Variants in FANCM observed in about 807,000 individuals in gnomAD.
FANCM encodes FA complementation group M.
In FANCM, 140 loss-of-function variants were observed where a neutral mutation model predicts 199.5. That is an observed-to-expected ratio of 0.70 (90% CI 0.61 to 0.81). The LOEUF (loss-of-function observed/expected upper bound fraction) is 0.81, where lower values mean the gene tolerates loss of function less well. Ranked by LOEUF, FANCM falls within the 30% of genes least tolerant of loss-of-function variation. The pLI is 0.00. For missense variants in FANCM, 2,410 were observed against 2,421.4 expected (o/e 1.00, Z 0.10); for synonymous variants, 840 against 836.8 (o/e 1.00, Z -0.07).
chr14:45,186,100 C>T (rs1318469104), intron 18 of FANCM, among the ~76,000 whole-genome samples: 1 of 152,060 alleles, frequency 6.6e-6, no homozygotes, highest in East Asian at 1.9e-4. Flanking sequence ...CACTATGTTG[C>T]CCAGGTTGGT....
At chr14:45,148,662 G>T (rs1443741098) in intron 3 of FANCM, among the ~76,000 whole-genome samples, 175 bp from the exon 4 acceptor site, 2 of 152,078 alleles carry the variant, frequency 1.3e-5, no homozygotes, top group South Asian at 4.1e-4. Context: ...TTCACCTGTT[G>T]TGCTACTTCT....
At position 45,176,822 on chromosome 14, in the gene FANCM, A is replaced by C. The variant is rs1366630408; in HGVS notation, c.4068A>C (p.Glu1356Asp). ...ACTCATTTTCTAAGATAAGAAAGGA[A>C]ATACTTAAGACACCAGATTCTAGTA... is the stretch of plus-strand genomic sequence containing the variant. ...TLNSFSKIRK[E>D]ILKTPDSSKE... Residue 1356 changes from glutamate (E) to aspartate (D), a missense_variant, in exon 14 of 23, where the codon GAA becomes GAC. Glu to Asp is a conservative substitution (Grantham distance 45, BLOSUM62 2). Coordinates refer to ENST00000267430, the MANE Select transcript of FANCM (RefSeq NM_020937.4). 2 of 1,606,906 alleles carry C rather than the reference A, an allele frequency of 1.2e-6. No individual in the cohort carries two copies. The highest frequency in any genetic ancestry group is 2.2e-5 in the East Asian group (1 of 44,674).
intron 11 of FANCM, chr14:45,167,415 A>G (rs911924915): frequency 2.5e-5 from 11 of 444,434 alleles, no homozygotes; most frequent in Non-Finnish European, 4.4e-5. Flanking sequence ...TGTTCTCCAT[A>G]AAGTTTAGAA....
At chr14:45,182,220 G>A (rs1343145749) in intron 16 of FANCM, among the ~76,000 whole-genome samples, 1 of 152,122 alleles carries the variant, frequency 6.6e-6, no homozygotes, top group African/African-American at 2.4e-5. Flanking sequence ...TGGCAGTGAG[G>A]CCAAAGAAGG....
At chr14:45,190,566 G>A (rs902508081) in intron 20 of FANCM, among the ~76,000 whole-genome samples, 4 of 151,724 alleles carry the variant, frequency 2.6e-5, no homozygotes, top group African/African-American at 7.3e-5. Flanking sequence ...AACACCCTCC[G>A]CCCCAACCTT....
chr14:45,138,827 T>C (rs1024434571), intron 2 of FANCM, among the ~76,000 whole-genome samples: 5 of 152,146 alleles, frequency 3.3e-5, no homozygotes, highest in Admixed American at 2.0e-4. Context: ...ATTCCAGATA[T>C]ACATTCCAAT....
Position 45,198,114 on chromosome 14 carries a change from G to A in FANCM, c.5717-530G>A, listed in dbSNP as rs551956785. Among the ~76,000 whole-genome samples the A allele has an allele frequency of 2.0e-5, 3 of 152,158 alleles. No homozygotes were observed. The South Asian group carries it at 6.2e-4, about 32-fold the overall frequency. On this transcript the variant is annotated intron_variant, in intron 21 of 22. Transcript: ENST00000267430. ...AAGGAAATAGATTTGGAATAGACAG[G>A]AAGGTAACATGGCAAAGGTTATAGA...
At chr14:45,173,862 A>G (rs1888494556) in intron 13 of FANCM, among the ~76,000 whole-genome samples, 1 of 152,216 alleles carries the variant, frequency 6.6e-6, no homozygotes, top group Non-Finnish European at 1.5e-5. Flanking sequence ...TTTTATTATT[A>G]GCCTTTGATC....
At chr14:45,195,792 A>G (rs539623554) in intron 20 of FANCM, among the ~76,000 whole-genome samples, 12 of 152,216 alleles carry the variant, frequency 7.9e-5, no homozygotes, top group Non-Finnish European at 1.6e-4. Flanking sequence ...TTTCAAAAAT[A>G]TCTTGTCTGG....
chr14:45,136,300 C>G lies in FANCM; in HGVS notation c.269C>G (p.Pro90Arg). ...CTGTGGATTTACCCTACCAATTGCC[C>G]AGTGCGGGACTACCAGCTGCACATT... ...GALWIYPTNC[P>R]VRDYQLHISR... The change falls in exon 1 of 23, where the codon CCA becomes CGA. Residue 90 changes from proline (P) to arginine (R), a missense_variant. Transcript: ENST00000267430. The G allele has an allele frequency of 3.1e-6, 5 of 1,614,180 alleles. No homozygotes were observed. The highest frequency in any genetic ancestry group is 4.2e-6 in the Non-Finnish European group (5 of 1,180,042).
chr14:45,176,309 C>T lies in FANCM; in HGVS notation c.3555C>T (p.Asp1185=). The change falls in exon 14 of 23, where the codon GAC becomes GAT. Residue 1185 remains aspartate, a synonymous_variant. Transcript: ENST00000267430. ...QFLISDELLL[D]NNSELQDQIT... is the part of the protein sequence containing the mutation. ...TAATTTCTGATGAACTTTTGTTGGA[C>T]AATAATTCTGAACTCCAAGATCAAA... 1 of 1,613,930 alleles carries T rather than the reference C, an allele frequency of 6.2e-7. No individual in the cohort carries two copies. The highest frequency in any genetic ancestry group is 8.5e-7 in the Non-Finnish European group (1 of 1,179,966).
chr14:45,199,337 C>G (rs1297982750), intron 22 of FANCM, among the ~76,000 whole-genome samples: 1 of 152,174 alleles, frequency 6.6e-6, no homozygotes, highest in African/African-American at 2.4e-5. Context: ...AGGCCTACAT[C>G]AGATACTGTC....
chr14:45,155,039 A>G (rs1176704856), intron 7 of FANCM, among the ~76,000 whole-genome samples: 3 of 152,226 alleles, frequency 2.0e-5, no homozygotes, highest in Admixed American at 2.0e-4. Context: ...AAACAAGTTT[A>G]CAAACTTTAA....
At chr14:45,149,027 A>T in intron 4 of FANCM, 32 bp downstream of exon 4, 1 of 1,496,614 alleles carries the variant, frequency 6.7e-7, no homozygotes, top group Non-Finnish European at 9.3e-7. Flanking sequence ...TAGGGATTTC[A>T]TAAATAAACT....
chr14:45,160,002 G>GTTTTTTTTTTTT (rs200603043), intron 9 of FANCM, among the ~76,000 whole-genome samples: 6 of 122,008 alleles, frequency 4.9e-5, no homozygotes, highest in East Asian at 2.3e-4. Flanking sequence ...TTTTTTTTTT[G>GTTTTTTTTTTTT]TTTTTTTTTT....
intron 20 of FANCM, among the ~76,000 whole-genome samples, chr14:45,195,954 A>T (rs997776388): frequency 1.3e-4 from 19 of 151,728 alleles, no homozygotes; most frequent in African/African-American, 4.4e-4. Flanking sequence ...ATTTCTTTAC[A>T]TCCTTTTGTT....
intron 13 of FANCM, 49 bp from the exon 14 acceptor site, chr14:45,175,022 C>T (rs757952443): frequency 8.4e-7 from 1 of 1,190,628 alleles, no homozygotes; most frequent in Non-Finnish European, 1.2e-6. Context: ...ATTTGGCTTT[C>T]TGTTTTGTTT....
At position 45,181,667 on chromosome 14, in the gene FANCM, C is replaced by G; in HGVS notation, c.4348C>G (p.Leu1450Val). The G allele has an allele frequency of 6.2e-7, 1 of 1,611,502 alleles. No homozygotes were observed. Among genetic ancestry groups the G allele is most frequent in the Non-Finnish European group, 8.5e-7 (1 of 1,178,166 alleles). ...DQKNSEVDSP[L>V]HAVKKRRFPI... The stretch of plus-strand genomic sequence containing the variant: ...GAAAAATAGTGAAGTTGATTCTCCA[C>G]TTCATGCTGTCAAAAAGCGCAGATT... Residue 1450 changes from leucine (L) to valine (V), a missense_variant, in exon 16 of 23, where the codon CTT becomes GTT. By Grantham distance (32) the Leu-to-Val change is conservative. Coordinates refer to ENST00000267430, the MANE Select transcript of FANCM (RefSeq NM_020937.4).
rs1403369981 is a variant in FANCM, at chr14:45,200,362, A to G, written c.*354A>G. 2 of 158,714 alleles carry G rather than the reference A, an allele frequency of 1.3e-5. No homozygotes were observed. Among genetic ancestry groups the G allele is most frequent in the African/African-American group, 4.8e-5 (2 of 41,552 alleles). The allele number at this position is 158,714 out of a possible 1,614,324, so 9.8% of individuals were successfully genotyped here. ...GATAAATAGTAAAGTTGACATGTCT[A>G]TGACTACAGCCAACTTGTCGATTTT... On this transcript the variant is annotated 3_prime_UTR_variant, in exon 23 of 23. Coordinates refer to ENST00000267430, the MANE Select transcript of FANCM (RefSeq NM_020937.4).
Sources: allele counts gnomAD v4.1 joint callset (sites outside exome capture counted in the v4.1 genomes callset), GRCh38; gene constraint gnomAD v4.1.1; transcripts MANE v1.5; gene names NCBI Gene and HGNC (gene_info 2026-07-23, HGNC 2026-07-21).